USH2A: variants seen among roughly 807,000 people sequenced by gnomAD.
The protein encoded by USH2A is Usher syndrome 2A (autosomal recessive, mild).
In USH2A, 443 loss-of-function variants were observed where a neutral mutation model predicts 538.9. That is an observed-to-expected ratio of 0.82 (90% CI 0.76 to 0.89). USH2A has a LOEUF of 0.89. Among genes scored for constraint, USH2A ranks in the 40% least tolerant of loss-of-function variants. The pLI is 0.00. For synonymous variants in USH2A, 2,413 were observed against 2,273.5 expected, an observed-to-expected ratio of 1.06 and a Z score of -1.75; for missense variants, 6,633 against 6,324.8, an observed-to-expected ratio of 1.05 and a Z score of -1.65.
chr1:216,077,637 A>G (rs951842942), intron 27 of USH2A, among the ~76,000 whole-genome samples: 2 of 146,366 alleles, frequency 1.4e-5, no homozygotes, highest in African/African-American at 4.9e-5. Flanking sequence ...TATCTCACAT[A>G]TAATTGCATT....
intron 9 of USH2A, among the ~76,000 whole-genome samples, chr1:216,310,985 A>G (rs1199193912): frequency 6.6e-6 from 1 of 152,168 alleles, no homozygotes; most frequent in Non-Finnish European, 1.5e-5. Flanking sequence ...TGGCTTCAGT[A>G]AACAATCCAA....
chr1:216,124,679 C>A (rs576908528), intron 21 of USH2A, among the ~76,000 whole-genome samples: 1 of 152,232 alleles, frequency 6.6e-6, no homozygotes, highest in South Asian at 2.1e-4. Context: ...ACAAATCTGC[C>A]AAATGCTAAT....
intron 2 of USH2A, among the ~76,000 whole-genome samples, chr1:216,421,266 G>A (rs1276262020): frequency 6.6e-6 from 1 of 152,058 alleles, no homozygotes; most frequent in South Asian, 2.1e-4. Context: ...TAACTAATTG[G>A]AAAATGAAAA....
intron 66 of USH2A, 37 bp downstream of exon 66, chr1:215,648,491 C>T (rs1377184174): frequency 1.2e-6 from 2 of 1,603,350 alleles, no homozygotes; most frequent in South Asian, 1.1e-5. Context: ...GTACACATGC[C>T]TTGTTAGTTT....
chr1:215,815,427 A>T (rs538616922), intron 48 of USH2A, among the ~76,000 whole-genome samples: 1 of 150,922 alleles, frequency 6.6e-6, no homozygotes, highest in African/African-American at 2.4e-5. Flanking sequence ...TTTGTAGAGT[A>T]GATTTGTCTA....
At chr1:216,357,542 G>A (rs1272772273) in intron 4 of USH2A, among the ~76,000 whole-genome samples, 1 of 152,090 alleles carries the variant, frequency 6.6e-6, no homozygotes, top group Non-Finnish European at 1.5e-5. Context: ...AACACAGAAA[G>A]GAAGGCAAGT....
chr1:216,267,878 C>A (rs757878095), intron 11 of USH2A, among the ~76,000 whole-genome samples: 1 of 152,082 alleles, frequency 6.6e-6, no homozygotes, highest in Admixed American at 6.6e-5. Context: ...GTAGTAGATG[C>A]TCAGCAAAAG....
At chr1:215,938,210 A>G (rs542616697) in intron 37 of USH2A, among the ~76,000 whole-genome samples, 1 of 152,230 alleles carries the variant, frequency 6.6e-6, no homozygotes, top group South Asian at 2.1e-4. Flanking sequence ...GAGTGAGTCT[A>G]ATGTTCTCTC....
At chr1:215,677,432 GCTTTT>G (rs1192018793) in intron 62 of USH2A, among the ~76,000 whole-genome samples, 1 of 152,084 alleles carries the variant, frequency 6.6e-6, no homozygotes, top group Non-Finnish European at 1.5e-5. Flanking sequence ...CCATTTCTCT[GCTTTT>G]CTTTTCATCT....
intron 63 of USH2A, among the ~76,000 whole-genome samples, chr1:215,672,799 T>G (rs1429387000): frequency 8.5e-5 from 13 of 152,236 alleles, no homozygotes; most frequent in Non-Finnish European, 1.5e-5. Flanking sequence ...CAATGCCACT[T>G]ACAGATTCAG....
At chr1:216,055,006 C>T (rs140071765) in intron 30 of USH2A, among the ~76,000 whole-genome samples, 1 of 152,148 alleles carries the variant, frequency 6.6e-6, no homozygotes, top group African/African-American at 2.4e-5. Context: ...AAATGCACTC[C>T]AACAATCCAA....
chr1:216,042,250 G>T (rs1254701066), intron 32 of USH2A, among the ~76,000 whole-genome samples: 1 of 152,106 alleles, frequency 6.6e-6, no homozygotes, highest in East Asian at 1.9e-4. Flanking sequence ...TAAAGTAGTA[G>T]AAGGAATTCC....
intron 4 of USH2A, among the ~76,000 whole-genome samples, chr1:216,337,527 G>T (rs2037997034): frequency 6.6e-6 from 1 of 151,300 alleles, no homozygotes; most frequent in African/African-American, 2.4e-5. Context: ...AAACAATTAG[G>T]AATAGGTGGG....
At chr1:216,412,046 T>TGTAA (rs2039498561) in intron 3 of USH2A, among the ~76,000 whole-genome samples, 1 of 152,186 alleles carries the variant, frequency 6.6e-6, no homozygotes, top group Non-Finnish European at 1.5e-5. Flanking sequence ...CTGAAGAGAC[T>TGTAA]GTAAGCTCCT....
intron 15 of USH2A, among the ~76,000 whole-genome samples, chr1:216,214,005 C>T (rs2035296437): frequency 1.3e-5 from 2 of 152,028 alleles, no homozygotes; most frequent in South Asian, 4.1e-4. Context: ...CAAGATACTA[C>T]TACACACTCA....
At chr1:216,380,762 TATATA>T (rs769084624) in intron 3 of USH2A, among the ~76,000 whole-genome samples, 19 of 152,164 alleles carry the variant, frequency 1.2e-4, no homozygotes, top group Non-Finnish European at 2.5e-4. Flanking sequence ...GATGATTTAA[TATATA>T]ATTTAGCAAA....
At chr1:215,989,074 G>C (rs982399590) in intron 35 of USH2A, among the ~76,000 whole-genome samples, 1 of 152,142 alleles carries the variant, frequency 6.6e-6, no homozygotes, top group African/African-American at 2.4e-5. Flanking sequence ...ATTTATATTA[G>C]AACTTTTTAT....
Position 216,148,763 on chromosome 1 carries a change from G to T in USH2A, c.4627+26489C>A, listed in dbSNP as rs541397004. Among the ~76,000 whole-genome samples the T allele has an allele frequency of 1.0e-3, 154 of 151,092 alleles. 1 individual carries two copies. Among genetic ancestry groups the T allele is most frequent in the African/African-American group, 3.6e-3 (148 of 41,142 alleles). Reference sequence around the variant, plus strand: ...ATATACTCTCCTATCCTCAATACCTGCCTCTACAACCCATTATCGTGTTCT... The same window carrying T: ...ATATACTCTCCTATCCTCAATACCTTCCTCTACAACCCATTATCGTGTTCT... On this transcript the variant is annotated intron_variant, in intron 21 of 71. Transcript: ENST00000307340.
intron 47 of USH2A, 131 bp from the exon 48 acceptor site, chr1:215,817,326 CAT>C (rs1662887740): frequency 9.1e-6 from 4 of 441,062 alleles, no homozygotes; most frequent in Non-Finnish European, 1.4e-5. Flanking sequence ...TATATGAAAT[CAT>C]ATATTTTCAA....
Sources: allele counts gnomAD v4.1 joint callset (sites outside exome capture counted in the v4.1 genomes callset), GRCh38; gene constraint gnomAD v4.1.1; transcripts MANE v1.5; gene names NCBI Gene and HGNC (gene_info 2026-07-23, HGNC 2026-07-21).